LONP2: variants seen among roughly 807,000 people sequenced by gnomAD.
The protein encoded by LONP2 is lon protease homolog 2, peroxisomal.
Under a neutral mutation model 85.6 loss-of-function variants are expected in LONP2, and 60 were observed. The observed-to-expected ratio is 0.70, with a 90% confidence interval of 0.57 to 0.87. LONP2 has a LOEUF of 0.87. LONP2 is among the 40% of genes least tolerant of loss of function. The probability of loss-of-function intolerance (pLI) is 0.00; values close to 1 mark genes in which losing one functional copy is unlikely to be tolerated. For synonymous variants in LONP2, 395 were observed against 389.7 expected (o/e 1.01, Z -0.16); for missense variants, 860 against 1,063.5 (o/e 0.81, Z 2.66).
At chr16:48,245,464 C>T (rs1195819460) in intron 1 of LONP2, among the ~76,000 whole-genome samples, 1 of 152,202 alleles carries the variant, frequency 6.6e-6, no homozygotes, top group East Asian at 1.9e-4. Flanking sequence ...TTCCACTTTG[C>T]ACCATGCATG....
chr16:48,302,929 T>C (rs1460733946), intron 10 of LONP2, among the ~76,000 whole-genome samples: 3 of 152,130 alleles, frequency 2.0e-5, no homozygotes, highest in Non-Finnish European at 4.4e-5. Flanking sequence ...CTAGGGTTCA[T>C]TTTTAAGTGT....
chr16:48,313,501 C>A (rs113702686), intron 11 of LONP2, among the ~76,000 whole-genome samples: 2,396 of 152,156 alleles, frequency 0.016, 54 homozygotes, highest in African/African-American at 0.053. Flanking sequence ...ACAACAGGCC[C>A]CAGTGTGTAT....
chr16:48,324,182 A>G (rs1275653124), intron 11 of LONP2, among the ~76,000 whole-genome samples: 1 of 152,238 alleles, frequency 6.6e-6, no homozygotes, highest in Non-Finnish European at 1.5e-5. Context: ...CTTGTGACAC[A>G]TATTTCTGCA....
intron 10 of LONP2, among the ~76,000 whole-genome samples, chr16:48,301,117 G>A (rs1972795429): frequency 2.0e-5 from 3 of 152,176 alleles, no homozygotes; most frequent in African/African-American, 2.4e-5. Flanking sequence ...TTCCAGGCAC[G>A]TTTTTGGATA....
chr16:48,275,487 G>A (rs1053050154), intron 7 of LONP2, among the ~76,000 whole-genome samples: 1 of 152,086 alleles, frequency 6.6e-6, no homozygotes, highest in Non-Finnish European at 1.5e-5. Flanking sequence ...TAAAAACTAG[G>A]TTGTAAGTAA....
chr16:48,351,536 T>G (rs1156868985), intron 14 of LONP2, 45 bp from the exon 15 acceptor site: 1 of 1,520,366 alleles, frequency 6.6e-7, no homozygotes, highest in South Asian at 1.2e-5. Flanking sequence ...TTCTTTCAGC[T>G]TGAGGGTGAT....
At chr16:48,336,814 C>T (rs1010154128) in intron 12 of LONP2, among the ~76,000 whole-genome samples, 6 of 152,196 alleles carry the variant, frequency 3.9e-5, no homozygotes, top group African/African-American at 1.2e-4. Flanking sequence ...ATGCAGGTCA[C>T]AGGGGATATG....
At chr16:48,345,240 CAAG>C (rs772045347) in intron 12 of LONP2, 2 of 152,170 alleles carry the variant, frequency 1.3e-5, no homozygotes, top group Non-Finnish European at 2.9e-5. Context: ...AAAACAAAAA[CAAG>C]AAGAATCTTA....
chr16:48,362,224 G>C, downstream of LONP2: 1 of 1,614,230 alleles, frequency 6.2e-7, no homozygotes. This position sits in a 1 kb window ranked among gnomAD's most constrained non-coding sequence, Gnocchi z 4.2. Context: ...CAACATGTGA[G>C]CTTTGGGCGA....
At chr16:48,347,757 G>A (rs755634121) in intron 13 of LONP2, 43 bp downstream of exon 13, 10 of 1,563,394 alleles carry the variant, frequency 6.4e-6, no homozygotes, top group African/African-American at 4.1e-5. Context: ...CCCAGGAGGC[G>A]GTACCTTCCA....
In LONP2 at chr16:48,351,685, C is replaced by T. The variant is rs150743514; in HGVS notation, c.2442C>T (p.Asn814=). Residue 814 remains asparagine (N), a synonymous_variant, in exon 15 of 15, where the codon AAC becomes AAT. Coordinates refer to ENST00000285737, the MANE Select transcript of LONP2 (RefSeq NM_031490.5). ...AAGACCTTGAGGGAATCCCAGGCAACGTACGACAGGATTTAAGTTTTGTCA... is the reference window on the plus strand; with the variant it reads ...AAGACCTTGAGGGAATCCCAGGCAATGTACGACAGGATTTAAGTTTTGTCA... ...NEKDLEGIPG[N]VRQDLSFVTA... 34 of 1,614,052 alleles carry T rather than the reference C, an allele frequency of 2.1e-5. No homozygotes were observed. Among genetic ancestry groups the T allele is most frequent in the South Asian group, 3.3e-5 (3 of 91,092 alleles).
intron 1 of LONP2, among the ~76,000 whole-genome samples, chr16:48,251,896 C>A (rs747950761): frequency 6.6e-6 from 1 of 152,096 alleles, no homozygotes; most frequent in Non-Finnish European, 1.5e-5. Flanking sequence ...AAATTCCTAC[C>A]TAATTTTTTA....
chr16:48,270,364 T>C (rs1972078427), intron 7 of LONP2, 90 bp downstream of exon 7: 1 of 1,404,856 alleles, frequency 7.1e-7, no homozygotes, highest in Non-Finnish European at 9.8e-7. Flanking sequence ...CATACATCTA[T>C]TTTCCTTAAA....
At chr16:48,281,432 G>A (rs1380504326) in intron 8 of LONP2, among the ~76,000 whole-genome samples, 2 of 152,104 alleles carry the variant, frequency 1.3e-5, no homozygotes, top group African/African-American at 4.8e-5. Flanking sequence ...ATAAATGGTG[G>A]TAGGCAGTAG....
chr16:48,362,208 G>C (rs1960620516), downstream of LONP2: 2 of 1,614,240 alleles, frequency 1.2e-6, no homozygotes, highest in Non-Finnish European at 1.7e-6. The surrounding 1 kb of genome is among the most constrained non-coding windows in gnomAD (Gnocchi z 4.2). Flanking sequence ...GCCCCGGCAA[G>C]TTGGACAACA....
chr16:48,303,731 C>T (rs1398443283), intron 11 of LONP2, among the ~76,000 whole-genome samples: 5 of 152,180 alleles, frequency 3.3e-5, no homozygotes, highest in Admixed American at 2.0e-4. Context: ...GACAGTACAG[C>T]CTTCAGTCTG....
At chr16:48,332,641 G>A (rs1567346466) in intron 11 of LONP2, among the ~76,000 whole-genome samples, 1 of 152,056 alleles carries the variant, frequency 6.6e-6, no homozygotes, top group South Asian at 2.1e-4. Context: ...AACCCAGGAG[G>A]TGGAGGTTGC....
At chr16:48,281,552 C>G (rs1287535246) in intron 8 of LONP2, among the ~76,000 whole-genome samples, 1 of 151,968 alleles carries the variant, frequency 6.6e-6, no homozygotes, top group East Asian at 1.9e-4. Context: ...TATTTTCTTA[C>G]CAGATATATG....
At chr16:48,346,694 T>C (rs1959976792) in intron 12 of LONP2, among the ~76,000 whole-genome samples, 1 of 152,116 alleles carries the variant, frequency 6.6e-6, no homozygotes, top group Admixed American at 6.5e-5. Context: ...GCTCAAGCGA[T>C]CCTGTCGTCT....
Sources: allele counts gnomAD v4.1 joint callset (sites outside exome capture counted in the v4.1 genomes callset), GRCh38; gene constraint gnomAD v4.1.1; non-coding constraint Gnocchi (gnomAD v3.1); transcripts MANE v1.5; gene names NCBI Gene and HGNC (gene_info 2026-07-23, HGNC 2026-07-21).